LAMA2: variants seen among roughly 807,000 people sequenced by gnomAD.
The protein encoded by LAMA2 is laminin subunit alpha 2.
Under a neutral mutation model 364.8 loss-of-function variants are expected in LAMA2, and 269 were observed. The ratio of observed to expected loss-of-function variants is 0.74; its 90% CI spans 0.67 to 0.82. The LOEUF (loss-of-function observed/expected upper bound fraction) is 0.82. LAMA2 is among the 40% of genes least tolerant of loss of function. The pLI, the probability that LAMA2 is intolerant of heterozygous loss-of-function variation, is 0.00. For missense variants in LAMA2, 3,807 were observed against 3,873.2 expected (o/e 0.98, Z 0.45); for synonymous variants, 1,379 against 1,370.6 (o/e 1.01, Z -0.14).
intron 3 of LAMA2, among the ~76,000 whole-genome samples, chr6:129,079,261 G>C (rs9385479): frequency 0.95 from 144,556 of 152,238 alleles, 68,701 homozygotes; most frequent in East Asian, 0.97. Context: ...TTATATTGTT[G>C]TATTTTTTAT....
intron 22 of LAMA2, among the ~76,000 whole-genome samples, chr6:129,304,180 T>C (rs1211892040): frequency 1.3e-5 from 2 of 152,220 alleles, no homozygotes; most frequent in Non-Finnish European, 2.9e-5. Flanking sequence ...TTTTGCCTAA[T>C]AAATGTGATA....
intron 1 of LAMA2, among the ~76,000 whole-genome samples, chr6:129,013,521 A>G (rs966865008): frequency 2.6e-5 from 4 of 152,204 alleles, no homozygotes; most frequent in Admixed American, 6.5e-5. Context: ...AGGAAAACCC[A>G]CTAAAAGAAA....
At chr6:129,200,186 G>T (rs1245635648) in intron 12 of LAMA2, among the ~76,000 whole-genome samples, 1 of 129,238 alleles carries the variant, frequency 7.7e-6, no homozygotes, top group Admixed American at 7.5e-5. Flanking sequence ...ATATACATGT[G>T]TATATATACA....
chr6:128,967,793 A>G (rs1781935234), intron 1 of LAMA2, among the ~76,000 whole-genome samples: 1 of 152,120 alleles, frequency 6.6e-6, no homozygotes, highest in African/African-American at 2.4e-5. Flanking sequence ...TTTACACCTC[A>G]GATTATTTCT....
chr6:128,965,776 T>C (rs1781798831), intron 1 of LAMA2, among the ~76,000 whole-genome samples: 1 of 151,974 alleles, frequency 6.6e-6, no homozygotes, highest in Non-Finnish European at 1.5e-5. Flanking sequence ...ACAAGTGAAT[T>C]GTCAAGATGT....
chr6:129,512,338 A>G lies in LAMA2; in HGVS notation c.8858-25A>G, dbSNP rs774905761. 10 of 1,611,306 alleles carry G rather than the reference A, an allele frequency of 6.2e-6. No homozygotes were observed. The African/African-American group carries it at 1.2e-4, about 19-fold the overall frequency. On this transcript the variant is annotated intron_variant, in intron 62 of 64. Coordinates refer to ENST00000421865, the MANE Select transcript of LAMA2 (RefSeq NM_000426.4). ...AACAATCCCCATCCTCTAATCCAAAATATTTTAAAATCTTCATTTTACAGT... is the reference window on the plus strand; with the variant it reads ...AACAATCCCCATCCTCTAATCCAAAGTATTTTAAAATCTTCATTTTACAGT...
chr6:129,279,033 T>C (rs1399910353), intron 17 of LAMA2, among the ~76,000 whole-genome samples: 1 of 152,198 alleles, frequency 6.6e-6, no homozygotes, highest in Admixed American at 6.5e-5. Flanking sequence ...TGTTGTTATG[T>C]CTTTAATTCA....
chr6:129,422,966 T>G lies in LAMA2; in HGVS notation c.5866-4786T>G, dbSNP rs147836336. The stretch of plus-strand genomic sequence containing the variant: ...CAAAGTTATAACAAATCAAATCTAA[T>G]GATTTACTCAAAGGATTATACATGA... On this transcript the variant is annotated intron_variant, in intron 40 of 64. Transcript: ENST00000421865. Among the ~76,000 whole-genome samples, 427 of 152,174 alleles carry G rather than the reference T, an allele frequency of 2.8e-3. 3 individuals carry two copies. Among genetic ancestry groups the G allele is most frequent in the African/African-American group, 8.5e-3 (353 of 41,518 alleles).
At chr6:129,102,899 C>A (rs1263391085) in intron 4 of LAMA2, among the ~76,000 whole-genome samples, 3 of 152,186 alleles carry the variant, frequency 2.0e-5, no homozygotes, top group Non-Finnish European at 4.4e-5. Context: ...TGCTTTAATT[C>A]CAGTATACGC....
At chr6:129,126,485 AAT>A (rs1777122468) in intron 4 of LAMA2, among the ~76,000 whole-genome samples, 1 of 152,328 alleles carries the variant, frequency 6.6e-6, no homozygotes, top group East Asian at 1.9e-4. Context: ...GGAGGAAACT[AAT>A]ATGAATGAAG....
At chr6:128,897,044 T>C (rs1023177729) in intron 1 of LAMA2, among the ~76,000 whole-genome samples, 1 of 152,216 alleles carries the variant, frequency 6.6e-6, no homozygotes, top group Non-Finnish European at 1.5e-5. Context: ...AAATGCAAAA[T>C]GTTAAGTAAC....
Position 128,883,175 on chromosome 6 carries a change from C to T in LAMA2, c.-71C>T, listed in dbSNP as rs1582592597. The T allele has an allele frequency of 3.5e-6, 5 of 1,438,746 alleles. No individual in the cohort carries two copies. In the South Asian group the frequency reaches 4.9e-5, roughly 14 times the overall value. 89.1% of individuals were successfully genotyped at this position (1,438,746 alleles called of 1,614,324 possible). ...AGCTGCTGCTCGCTCAGCTCACAAG[C>T]CAAGGCCAGGGGACAGGGCGGCAGC... On this transcript the variant is annotated 5_prime_UTR_variant, in exon 1 of 65. Coordinates refer to ENST00000421865, the MANE Select transcript of LAMA2 (RefSeq NM_000426.4).
At chr6:129,299,998 C>T (rs540001170) in intron 21 of LAMA2, among the ~76,000 whole-genome samples, 13 of 152,248 alleles carry the variant, frequency 8.5e-5, no homozygotes, top group Non-Finnish European at 1.3e-4. Context: ...GGTCAACTGC[C>T]GCTATGTGGC....
rs747246486 is a variant in LAMA2, at chr6:129,516,398, T to C, written c.*51T>C. On this transcript the variant is annotated 3_prime_UTR_variant, in exon 65 of 65. Coordinates refer to ENST00000421865, the MANE Select transcript of LAMA2 (RefSeq NM_000426.4). The stretch of plus-strand genomic sequence containing the variant: ...AGTCTGTCAAAACAAGTATATCAAG[T>C]AAAACAAACAAATATATTTTACCTA... 1.7e-5 allele frequency: 26 copies of C among 1,546,860 alleles called. No homozygotes were observed. Among genetic ancestry groups the C allele is most frequent in the Non-Finnish European group, 2.3e-5 (26 of 1,126,232 alleles).
rs186305676 is a variant in LAMA2, at chr6:129,464,468, A to T, written c.7155+16A>T. The T allele has an allele frequency of 6.2e-7, 1 of 1,603,784 alleles. No homozygotes were observed. Among genetic ancestry groups the T allele is most frequent in the Non-Finnish European group, 8.5e-7 (1 of 1,171,014 alleles). On this transcript the variant is annotated intron_variant, in intron 50 of 64. Transcript: ENST00000421865. ...ACGAGACCTGGTAAAGATCATATGC[A>T]TAGCAGAGTTTCCGTGACTAAAATG...
chr6:129,201,577 C>T (rs902896361), intron 12 of LAMA2, among the ~76,000 whole-genome samples: 4 of 152,178 alleles, frequency 2.6e-5, no homozygotes, highest in African/African-American at 9.7e-5. Context: ...ACAAGCTACT[C>T]TAGGTTCACC....
At chr6:129,340,830 C>CAAAAAAAA (rs34264921) in intron 29 of LAMA2, among the ~76,000 whole-genome samples, 12 of 59,392 alleles carry the variant, frequency 2.0e-4, no homozygotes, top group Non-Finnish European at 3.2e-4. Context: ...AGCTCTGTCT[C>CAAAAAAAA]AAAAAAAAAA....
chr6:129,304,820 G>C (rs1773767670), intron 22 of LAMA2, among the ~76,000 whole-genome samples: 1 of 152,068 alleles, frequency 6.6e-6, no homozygotes, highest in Non-Finnish European at 1.5e-5. Flanking sequence ...ATTCTAAATT[G>C]TTCTGAGAAC....
Position 129,366,174 on chromosome 6 carries a change from G to A in LAMA2, c.4718-45G>A, listed in dbSNP as rs767970280. 19 of 1,602,718 alleles carry A rather than the reference G, an allele frequency of 1.2e-5. No individual in the cohort carries two copies. The East Asian group carries it at 1.8e-4, about 15-fold the overall frequency. ...CTGAATTCTTTGAACATCTGCCTGG[G>A]ATGTTTAGCAGAAGTAACTACTCTT... On this transcript the variant is annotated intron_variant, in intron 32 of 64. Transcript: ENST00000421865.
Sources: gnomAD v4.1 joint callset for allele counts (sites outside exome capture counted in the v4.1 genomes callset) on GRCh38, gnomAD v4.1.1 for gene constraint, MANE v1.5 for transcripts, NCBI Gene and HGNC (gene_info 2026-07-23, HGNC 2026-07-21) for gene names.